Variants in ADAMTS6 observed in about 807,000 individuals in gnomAD.
The protein encoded by ADAMTS6 is A disintegrin and metalloproteinase with thrombospondin motifs 6.
In ADAMTS6, 23 loss-of-function variants were observed where a neutral mutation model predicts 144.3. The ratio of observed to expected loss-of-function variants is 0.16; its 90% CI spans 0.11 to 0.23. ADAMTS6 has a LOEUF of 0.23. ADAMTS6 is among the 10% of genes least tolerant of loss of function. ADAMTS6 has a pLI of 1.00. For missense variants in ADAMTS6, 999 were observed against 1,379.6 expected, an observed-to-expected ratio of 0.72 and a Z score of 4.37; for synonymous variants, 444 against 457.5, an observed-to-expected ratio of 0.97 and a Z score of 0.38.
intron 7 of ADAMTS6, among the ~76,000 whole-genome samples, chr5:65,361,999 T>C (rs1387585335): frequency 6.6e-6 from 1 of 152,220 alleles, no homozygotes. Context: ...CCTCCTAAAA[T>C]GCTGGGATTA....
intron 22 of ADAMTS6, among the ~76,000 whole-genome samples, chr5:65,179,108 T>C (rs1410259256): frequency 6.6e-6 from 1 of 152,162 alleles, no homozygotes; most frequent in African/African-American, 2.4e-5. Flanking sequence ...ATGAGAAAAC[T>C]CATCACGGGA....
At chr5:65,153,438 A>T (rs1752237270) in intron 24 of ADAMTS6, among the ~76,000 whole-genome samples, 1 of 152,234 alleles carries the variant, frequency 6.6e-6, no homozygotes, top group Admixed American at 6.5e-5. Context: ...GTAAAACAGA[A>T]ATGATTAGAG....
intron 9 of ADAMTS6, among the ~76,000 whole-genome samples, chr5:65,324,773 A>G (rs1237656544): frequency 6.6e-6 from 1 of 152,160 alleles, no homozygotes; most frequent in Non-Finnish European, 1.5e-5. Context: ...TATATGAAGC[A>G]CATGAAAAGA....
chr5:65,172,987 C>G lies in ADAMTS6; in HGVS notation c.2932G>C (p.Gly978Arg). ...WSECTPKCGP[G>R]FKHRIVLCKS... ...CACAGAACAATCCGATGCTTGAATC[C>G]TGGACCACATTTTGGAGTACACTGG... Residue 978 changes from glycine (G) to arginine (R), a missense_variant, in exon 23 of 25, where the codon GGA (glycine) becomes CGA (arginine). By Grantham distance (125) the Gly-to-Arg change is moderately radical (BLOSUM62 -2). This residue lies in a region of ADAMTS6 where 619 missense variants were observed against 837.0 expected (regional missense o/e 0.74). Coordinates refer to ENST00000381055, the MANE Select transcript of ADAMTS6 (RefSeq NM_197941.4). 6.2e-7 allele frequency: 1 copy of G among 1,613,868 alleles called. No individual in the cohort carries two copies. Among genetic ancestry groups the G allele is most frequent in the Non-Finnish European group, 8.5e-7 (1 of 1,179,944 alleles).
intron 7 of ADAMTS6, among the ~76,000 whole-genome samples, chr5:65,375,761 A>G (rs1279758539): frequency 2.0e-5 from 3 of 152,108 alleles, no homozygotes; most frequent in Non-Finnish European, 2.9e-5. Flanking sequence ...CCATTACTGG[A>G]TATATACCCA....
intron 4 of ADAMTS6, among the ~76,000 whole-genome samples, chr5:65,454,803 C>T (rs190564386): frequency 1.3e-5 from 2 of 152,242 alleles, no homozygotes. Flanking sequence ...TGAATGCTGC[C>T]ACAACTATGG....
At chr5:65,352,785 T>A (rs1377712075) in intron 7 of ADAMTS6, among the ~76,000 whole-genome samples, 7 of 152,068 alleles carry the variant, frequency 4.6e-5, no homozygotes, top group African/African-American at 7.2e-5. Context: ...AATTAAAAAG[T>A]AAGATAACAC....
At chr5:65,210,625 G>T in intron 20 of ADAMTS6, 2 of 605,770 alleles carry the variant, frequency 3.3e-6, no homozygotes, top group South Asian at 3.3e-5. Flanking sequence ...AGCTATGGAT[G>T]GAGGCTTGTC....
intron 10 of ADAMTS6, among the ~76,000 whole-genome samples, chr5:65,295,864 T>C (rs1190402000): frequency 1.3e-5 from 2 of 152,126 alleles, no homozygotes; most frequent in African/African-American, 4.8e-5. Context: ...TCATATTTTA[T>C]GAATTCTACT....
At chr5:65,199,505 GA>G (rs1202856197) in intron 20 of ADAMTS6, among the ~76,000 whole-genome samples, 1 of 151,898 alleles carries the variant, frequency 6.6e-6, no homozygotes, top group Non-Finnish European at 1.5e-5. Flanking sequence ...TATGTATCTT[GA>G]AAAAAATTTG....
At chr5:65,207,160 A>G (rs1269800269) in intron 20 of ADAMTS6, among the ~76,000 whole-genome samples, 1 of 152,182 alleles carries the variant, frequency 6.6e-6, no homozygotes, top group African/African-American at 2.4e-5. Context: ...GCATAGCTTT[A>G]TCTCTTCCCC....
chr5:65,461,590 T>A (rs7721191), intron 3 of ADAMTS6, among the ~76,000 whole-genome samples: 5,951 of 152,152 alleles, frequency 0.039, 410 homozygotes, highest in African/African-American at 0.14. Flanking sequence ...ATAAAAACTC[T>A]CTGGGTGTAT....
chr5:65,155,459 G>T (rs1276707932), intron 24 of ADAMTS6, among the ~76,000 whole-genome samples: 1 of 152,088 alleles, frequency 6.6e-6, no homozygotes, highest in Non-Finnish European at 1.5e-5. Flanking sequence ...GAATATTGTA[G>T]GCAGTTGGAA....
chr5:65,370,365 G>A (rs1003679123), intron 7 of ADAMTS6, among the ~76,000 whole-genome samples: 4 of 152,172 alleles, frequency 2.6e-5, no homozygotes, highest in Admixed American at 2.0e-4. Context: ...CTGAGGTACC[G>A]GGTTCATCTC....
At chr5:65,375,557 T>C (rs1007474426) in intron 7 of ADAMTS6, among the ~76,000 whole-genome samples, 6 of 152,022 alleles carry the variant, frequency 3.9e-5, no homozygotes, top group Non-Finnish European at 7.3e-5. Context: ...AAAACCACAA[T>C]GAGATACCAT....
chr5:65,291,819 G>A (rs1202651106), intron 10 of ADAMTS6, among the ~76,000 whole-genome samples: 1 of 151,588 alleles, frequency 6.6e-6, no homozygotes, highest in East Asian at 1.9e-4. Context: ...TCTGGTAGTA[G>A]AATTAAAAAC....
rs865819589 is a variant in ADAMTS6 at position 65,212,428 on chromosome 5, T to C, written c.2575+2366A>G. ...TTCCAGAGGCTTTTCTCTCTCTTTT[T>C]TTTTTTTTTTTTTTTTTTACCCCCT... On this transcript the variant is annotated intron_variant, in intron 20 of 24. Transcript: ENST00000381055. 6.1e-3 allele frequency among the ~76,000 whole-genome samples: 893 copies of C among 147,344 alleles called. 6 individuals carry two copies. Among genetic ancestry groups the C allele is most frequent in the Middle Eastern group, 0.032 (9 of 284 alleles).
intron 10 of ADAMTS6, 38 bp downstream of exon 10, chr5:65,299,947 C>G (rs976702916): frequency 6.3e-7 from 1 of 1,594,038 alleles, no homozygotes; most frequent in African/African-American, 1.3e-5. Flanking sequence ...TGGCTTACTT[C>G]TGGAGCTATT....
At chr5:65,287,458 A>G (rs1374845541) in intron 11 of ADAMTS6, among the ~76,000 whole-genome samples, 2 of 152,156 alleles carry the variant, frequency 1.3e-5, no homozygotes, top group Non-Finnish European at 2.9e-5. Flanking sequence ...TTATTTATTT[A>G]CTTTGGAGTA....
Sources: gnomAD v4.1 joint callset for allele counts (sites outside exome capture counted in the v4.1 genomes callset) on GRCh38, gnomAD v4.1.1 for gene constraint, gnomAD v4.1.1 regional missense constraint, MANE v1.5 for transcripts, NCBI Gene and HGNC (gene_info 2026-07-23, HGNC 2026-07-21) for gene names.